PRKCE: variants seen among roughly 807,000 people sequenced by gnomAD.
PRKCE encodes protein kinase C epsilon.
In PRKCE, 16 loss-of-function variants were observed where a neutral mutation model predicts 85.4. The observed-to-expected ratio is 0.19, with a 90% CI of 0.13 to 0.28. The LOEUF is 0.28. Ranked by LOEUF, PRKCE falls within the 10% of genes least tolerant of loss-of-function variation. PRKCE has a pLI of 1.00. For missense variants in PRKCE, 573 were observed against 975.2 expected (o/e 0.59, Z 5.49); for synonymous variants, 388 against 371.5 (o/e 1.04, Z -0.51).
intron 11 of PRKCE, among the ~76,000 whole-genome samples, chr2:46,117,506 A>T (rs906130298): frequency 2.0e-5 from 3 of 152,224 alleles, no homozygotes; most frequent in African/African-American, 7.2e-5. Context: ...TCACATGGGC[A>T]GAGATTTCCG....
chr2:45,705,015 C>T (rs999860455), intron 1 of PRKCE, among the ~76,000 whole-genome samples: 1 of 152,194 alleles, frequency 6.6e-6, no homozygotes, highest in African/African-American at 2.4e-5. Context: ...TGCAGGGGAG[C>T]TGTGGGGCAC....
intron 2 of PRKCE, among the ~76,000 whole-genome samples, chr2:45,850,687 C>G (rs150467117): frequency 6.8e-4 from 103 of 152,306 alleles, no homozygotes; most frequent in Non-Finnish European, 1.2e-3. Context: ...AGTGCATTCA[C>G]CATTTTTAAT....
chr2:45,679,852 G>A (rs753677146), intron 1 of PRKCE, among the ~76,000 whole-genome samples: 1 of 152,140 alleles, frequency 6.6e-6, no homozygotes, highest in African/African-American at 2.4e-5. Flanking sequence ...TGGCTCTTCC[G>A]GGCCTGCCCA....
intron 2 of PRKCE, among the ~76,000 whole-genome samples, chr2:45,911,795 T>C (rs1050380371): frequency 3.3e-5 from 5 of 152,172 alleles, no homozygotes; most frequent in Non-Finnish European, 7.3e-5. Context: ...TTTTACCTTC[T>C]CTAGGCTTTC....
chr2:45,976,614 A>G (rs925495723), intron 3 of PRKCE, 26 bp downstream of exon 3: 2 of 1,595,120 alleles, frequency 1.3e-6, no homozygotes, highest in East Asian at 2.2e-5. Context: ...GGGAACCTCT[A>G]ATTACAACAT....
intron 10 of PRKCE, among the ~76,000 whole-genome samples, chr2:46,055,657 C>T (rs899537159): frequency 6.6e-6 from 1 of 151,706 alleles, no homozygotes; most frequent in East Asian, 1.9e-4. Flanking sequence ...TGGAAAAATG[C>T]TAAGTCTAAT....
chr2:45,684,605 T>TA (rs1677151366), intron 1 of PRKCE, among the ~76,000 whole-genome samples: 1 of 152,214 alleles, frequency 6.6e-6, no homozygotes, highest in African/African-American at 2.4e-5. Context: ...TACAACCCCC[T>TA]AGTGGCATGT....
chr2:45,707,597 T>C (rs751588747), intron 1 of PRKCE, among the ~76,000 whole-genome samples: 16 of 152,192 alleles, frequency 1.1e-4, no homozygotes, highest in Non-Finnish European at 1.9e-4. Context: ...GGGAGAGGCT[T>C]TATCTGTTCA....
At chr2:45,801,933 T>C (rs1021550483) in intron 1 of PRKCE, among the ~76,000 whole-genome samples, 4 of 152,052 alleles carry the variant, frequency 2.6e-5, no homozygotes, top group Non-Finnish European at 5.9e-5. Context: ...ATAATAATAC[T>C]TAACATCTAG....
At chr2:45,937,992 C>G (rs1301296799) in intron 2 of PRKCE, among the ~76,000 whole-genome samples, 1 of 152,202 alleles carries the variant, frequency 6.6e-6, no homozygotes, top group Non-Finnish European at 1.5e-5. Flanking sequence ...GGCTTCTCTA[C>G]AGTGAGAGTA....
intron 10 of PRKCE, among the ~76,000 whole-genome samples, chr2:46,038,460 G>C (rs1230131931): frequency 1.3e-5 from 2 of 151,972 alleles, no homozygotes; most frequent in Non-Finnish European, 2.9e-5. Flanking sequence ...ATATCTCACG[G>C]GCCAAAAGTT....
At chr2:45,941,432 T>G (rs1173937396) in intron 2 of PRKCE, among the ~76,000 whole-genome samples, 1 of 152,142 alleles carries the variant, frequency 6.6e-6, no homozygotes, top group Non-Finnish European at 1.5e-5. Flanking sequence ...CTTAAGAAAC[T>G]TATTACTCTT....
At chr2:46,091,985 C>T (rs3768760) in intron 11 of PRKCE, among the ~76,000 whole-genome samples, 84,903 of 152,050 alleles carry the variant, frequency 0.56, 24,933 homozygotes, top group East Asian at 0.84. Context: ...TGAAGAAAGG[C>T]GTAAAGTCCG....
At chr2:46,095,832 C>T (rs1670629844) in intron 11 of PRKCE, among the ~76,000 whole-genome samples, 1 of 152,188 alleles carries the variant, frequency 6.6e-6, no homozygotes, top group Non-Finnish European at 1.5e-5. Flanking sequence ...CAGAAATGAA[C>T]AAGAATCGTA....
At chr2:45,851,254 T>G (rs1485846174) in intron 2 of PRKCE, among the ~76,000 whole-genome samples, 1 of 152,244 alleles carries the variant, frequency 6.6e-6, no homozygotes, top group Non-Finnish European at 1.5e-5. Context: ...GAGGGACTAG[T>G]ATTTGATTGA....
At chr2:45,900,485 A>C (rs1225187519) in intron 2 of PRKCE, among the ~76,000 whole-genome samples, 1 of 152,260 alleles carries the variant, frequency 6.6e-6, no homozygotes, top group African/African-American at 2.4e-5. Flanking sequence ...AACTTTGAAA[A>C]CATTATGCTA....
intron 10 of PRKCE, among the ~76,000 whole-genome samples, chr2:46,065,016 A>C (rs1267978770): frequency 6.6e-6 from 1 of 152,184 alleles, no homozygotes; most frequent in Non-Finnish European, 1.5e-5. Context: ...CCATGCTCTT[A>C]AGTTATTTGA....
intron 1 of PRKCE, among the ~76,000 whole-genome samples, chr2:45,809,429 TA>T (rs1688491820): frequency 6.6e-6 from 1 of 152,046 alleles, no homozygotes; most frequent in African/African-American, 2.4e-5. Flanking sequence ...CCAAGAACAG[TA>T]AAAAGGAGAA....
chr2:45,909,221 T>C (rs1697202245), intron 2 of PRKCE, among the ~76,000 whole-genome samples: 1 of 152,228 alleles, frequency 6.6e-6, no homozygotes, highest in South Asian at 2.1e-4. Context: ...ATTATTTTAT[T>C]TGATATTCAA....
Sources: allele counts gnomAD v4.1 joint callset (sites outside exome capture counted in the v4.1 genomes callset), GRCh38; gene constraint gnomAD v4.1.1; transcripts MANE v1.5; gene names NCBI Gene and HGNC (gene_info 2026-07-23, HGNC 2026-07-21).